SLC24A3: variants seen among roughly 807,000 people sequenced by gnomAD.
SLC24A3 encodes sodium/potassium/calcium exchanger 3.
SLC24A3 carries 28 observed loss-of-function variants against 75.8 expected under a neutral mutation model. The ratio of observed to expected loss-of-function variants is 0.37; its 90% CI spans 0.27 to 0.51. The LOEUF is 0.51. Among genes scored for constraint, SLC24A3 ranks in the 20% least tolerant of loss-of-function variants. The pLI is 0.94. For missense variants in SLC24A3, 663 were observed against 847.8 expected (o/e 0.78, Z 2.71); for synonymous variants, 372 against 334.1 (o/e 1.11, Z -1.24).
At position 19,685,195 on chromosome 20, in the gene SLC24A3, G is replaced by A. The variant is rs578199846; in HGVS notation, c.1158G>A (p.Gly386=). The change falls in exon 12 of 17, where the codon GGG becomes GGA. Residue 386 remains glycine (G), a synonymous_variant. Coordinates refer to ENST00000328041, the MANE Select transcript of SLC24A3 (RefSeq NM_020689.4). ...AGCACACCGTGGAGAATGGGACAGG[G>A]CCCAGCAGTGCCCCAGACAGGGGCG... ...PIKHTVENGT[G]PSSAPDRGVN... is the part of the protein sequence containing the mutation. 6 of 1,614,208 alleles carry A rather than the reference G, an allele frequency of 3.7e-6. No individual in the cohort carries two copies. The African/African-American group carries it at 5.3e-5, about 14-fold the overall frequency.
chr20:19,412,528 A>G (rs1201409428), intron 2 of SLC24A3, among the ~76,000 whole-genome samples: 2 of 151,846 alleles, frequency 1.3e-5, no homozygotes, highest in Non-Finnish European at 2.9e-5. Flanking sequence ...AAGCAGGAGG[A>G]GAAGGAGGAA....
intron 15 of SLC24A3, among the ~76,000 whole-genome samples, chr20:19,707,441 G>T (rs1332560866): frequency 6.6e-6 from 1 of 152,218 alleles, no homozygotes; most frequent in Non-Finnish European, 1.5e-5. Flanking sequence ...AGTAAGTCGG[G>T]AAAGGCAAGG....
intron 3 of SLC24A3, among the ~76,000 whole-genome samples, chr20:19,563,215 A>G (rs1876171255): frequency 6.6e-6 from 1 of 152,164 alleles, no homozygotes; most frequent in Admixed American, 6.5e-5. Flanking sequence ...CATATAACAT[A>G]TATCTCATAG....
chr20:19,618,408 C>A (rs1213681834), intron 6 of SLC24A3, among the ~76,000 whole-genome samples: 1 of 152,238 alleles, frequency 6.6e-6, no homozygotes, highest in Non-Finnish European at 1.5e-5. Flanking sequence ...CATGTCTTCA[C>A]AGGCTCTTCC....
At chr20:19,716,993 C>T (rs923444813) in intron 15 of SLC24A3, among the ~76,000 whole-genome samples, 4 of 152,204 alleles carry the variant, frequency 2.6e-5, no homozygotes, top group Non-Finnish European at 5.9e-5. Flanking sequence ...GGAATTTTAA[C>T]TTTTTCTTCT....
At chr20:19,696,018 T>TTTC (rs1468265922) in intron 13 of SLC24A3, among the ~76,000 whole-genome samples, 45 of 135,462 alleles carry the variant, frequency 3.3e-4, no homozygotes, top group African/African-American at 1.0e-3. Context: ...TCCTTTTCTT[T>TTTC]TTTTTTTTTT....
intron 15 of SLC24A3, among the ~76,000 whole-genome samples, chr20:19,711,253 A>G (rs764280401): frequency 6.6e-6 from 1 of 151,936 alleles, no homozygotes; most frequent in African/African-American, 2.4e-5. Context: ...GCAAATGTGC[A>G]CACACACATG....
At chr20:19,311,440 G>C (rs1984455118) in intron 2 of SLC24A3, among the ~76,000 whole-genome samples, 1 of 152,166 alleles carries the variant, frequency 6.6e-6, no homozygotes, top group Non-Finnish European at 1.5e-5. Flanking sequence ...GGAGAAAGAA[G>C]AGATACAGTC....
chr20:19,566,623 A>G (rs1403899952), intron 3 of SLC24A3, among the ~76,000 whole-genome samples: 3 of 152,230 alleles, frequency 2.0e-5, no homozygotes, highest in Non-Finnish European at 4.4e-5. Context: ...GGAAACTCAT[A>G]TAGATGTAGG....
At position 19,463,342 on chromosome 20, in the gene SLC24A3, C is replaced by T. The variant is rs180947709; in HGVS notation, c.272-52146C>T. On this transcript the variant is annotated intron_variant, in intron 2 of 16. Coordinates refer to ENST00000328041, the MANE Select transcript of SLC24A3 (RefSeq NM_020689.4). The stretch of plus-strand genomic sequence containing the variant: ...ATTTCCCTAGTGAGGTACTCAAGGG[C>T]GCAGGTGCCCACCAGTCTCTCGATC... Among the ~76,000 whole-genome samples the T allele has an allele frequency of 2.6e-5, 4 of 152,256 alleles. No homozygotes were observed. The East Asian group carries it at 7.7e-4, about 29-fold the overall frequency.
intron 6 of SLC24A3, among the ~76,000 whole-genome samples, chr20:19,614,853 G>A (rs1194683122): frequency 5.9e-5 from 9 of 152,190 alleles, no homozygotes; most frequent in African/African-American, 1.9e-4. Flanking sequence ...TTAGAAGGAA[G>A]ATGAATGATC....
In SLC24A3 at chr20:19,304,338, A is replaced by G. The variant is rs541406658; in HGVS notation, c.271+23251A>G. Among the ~76,000 whole-genome samples, 44 of 152,230 alleles carry G rather than the reference A, an allele frequency of 2.9e-4. 1 individual carries two copies. The East Asian group carries it at 8.1e-3, about 28-fold the overall frequency. On this transcript the variant is annotated intron_variant, in intron 2 of 16. Transcript: ENST00000328041. ...GAGAGGCTCAGGGGCAATTTGCGTA[A>G]CTTCTCGTAGTTTCCTCATCTTTCA...
chr20:19,667,798 A>G (rs1444295245), intron 8 of SLC24A3, among the ~76,000 whole-genome samples: 1 of 152,152 alleles, frequency 6.6e-6, no homozygotes, highest in Non-Finnish European at 1.5e-5. Flanking sequence ...GGAGCAAGAA[A>G]AGGAGTGTCT....
At chr20:19,709,685 G>A (rs2032969438) in intron 15 of SLC24A3, among the ~76,000 whole-genome samples, 1 of 152,112 alleles carries the variant, frequency 6.6e-6, no homozygotes, top group Non-Finnish European at 1.5e-5. Context: ...AGAGGGTAAA[G>A]GGAGGCTTTA....
At chr20:19,226,128 G>C (rs1981862128) in intron 1 of SLC24A3, among the ~76,000 whole-genome samples, 1 of 152,028 alleles carries the variant, frequency 6.6e-6, no homozygotes, top group Admixed American at 6.6e-5. Flanking sequence ...TTTTATCAAG[G>C]GTGGATATTG....
rs139162781 is a variant in SLC24A3, at chr20:19,575,626, G to A, written c.349-4374G>A. Among the ~76,000 whole-genome samples the A allele has an allele frequency of 6.6e-5, 10 of 152,232 alleles. No homozygotes were observed. In the East Asian group the frequency reaches 1.9e-3, roughly 29 times the overall value. ...GCCTATCATTCATCGTTTCCAGAAG[G>A]CACTCCACATTCACTTGTACCGGCT... is the stretch of plus-strand genomic sequence containing the variant. On this transcript the variant is annotated intron_variant, in intron 3 of 16. Transcript: ENST00000328041.
chr20:19,545,640 A>G lies in SLC24A3; in HGVS notation c.348+30076A>G, dbSNP rs138655291. On this transcript the variant is annotated intron_variant, in intron 3 of 16. Transcript: ENST00000328041. The stretch of plus-strand genomic sequence containing the variant: ...CCCCTCATCCCCATCTTCTGGTCTA[A>G]TCACAAGACCACCTGCCCCCCACTG... 2.2e-3 allele frequency among the ~76,000 whole-genome samples: 329 copies of G among 152,254 alleles called. 2 individuals are homozygous for G. Among genetic ancestry groups the G allele is most frequent in the African/African-American group, 7.5e-3 (310 of 41,536 alleles).
chr20:19,682,157 A>G (rs2032622630), intron 10 of SLC24A3, among the ~76,000 whole-genome samples, 166 bp downstream of exon 10: 1 of 152,188 alleles, frequency 6.6e-6, no homozygotes, highest in African/African-American at 2.4e-5. Context: ...TGGGAGGCCG[A>G]GGCATGAGAA....
intron 9 of SLC24A3, among the ~76,000 whole-genome samples, chr20:19,679,310 G>T (rs1398854613): frequency 6.6e-6 from 1 of 152,208 alleles, no homozygotes; most frequent in Non-Finnish European, 1.5e-5. Flanking sequence ...AGACCAGCCC[G>T]GCCAACACAG....
Sources: allele counts gnomAD v4.1 joint callset (sites outside exome capture counted in the v4.1 genomes callset), GRCh38; gene constraint gnomAD v4.1.1; transcripts MANE v1.5; gene names NCBI Gene and HGNC (gene_info 2026-07-23, HGNC 2026-07-21).